The following KRT19 variants were observed in gnomAD, a reference collection of about 807,000 sequenced individuals.
KRT19 encodes keratin 19, also known as keratin, type I cytoskeletal 19.
Under a neutral mutation model 34.6 loss-of-function variants are expected in KRT19, and 21 were observed. The ratio of observed to expected loss-of-function variants is 0.61; its 90% CI spans 0.43 to 0.87. KRT19 has a LOEUF of 0.87. Ranked by LOEUF, KRT19 falls within the 40% of genes least tolerant of loss-of-function variation. KRT19 has a pLI of 0.00. For missense variants in KRT19, 514 were observed against 545.7 expected, an observed-to-expected ratio of 0.94 and a Z score of 0.58; for synonymous variants, 240 against 245.8, an observed-to-expected ratio of 0.98 and a Z score of 0.22.
In KRT19 at chr17:41,524,133, G is replaced by T; in HGVS notation, c.948+10C>A. The T allele has an allele frequency of 6.2e-7, 1 of 1,612,756 alleles. No homozygotes were observed. Among genetic ancestry groups the T allele is most frequent in the Non-Finnish European group, 8.5e-7 (1 of 1,179,314 alleles). On this transcript the variant is annotated intron_variant, in intron 5 of 5. Transcript: ENST00000361566. ...GCACAGGGAAGCGGCGGCGGTGGGG[G>T]GACACATACCATGCTCAGCTGTGAC...
At position 41,528,226 on chromosome 17, in the gene KRT19, G is replaced by A; in HGVS notation, c.22C>T (p.Gln8Ter). The change falls in exon 1 of 6, where the codon CAG becomes TAG. Residue 8 changes from glutamine to a stop codon, truncating the protein, a stop_gained. Transcript: ENST00000361566. LOFTEE classifies it high-confidence loss of function. ...CCGAAGGACGACGTGGCCGACGACT[G>A]GCGATAGCTGTAGGAAGTCATGGCG... MTSYSYR[Q>*]SSATSSFGGL... is the part of the protein sequence containing the mutation. 1.3e-6 allele frequency: 2 copies of A among 1,574,804 alleles called. No individual in the cohort carries two copies. The highest frequency in any genetic ancestry group is 1.7e-6 in the Non-Finnish European group (2 of 1,169,096).
chr17:41,526,269 C>T (rs1442704240), intron 1 of KRT19, among the ~76,000 whole-genome samples: 1 of 152,090 alleles, frequency 6.6e-6, no homozygotes, highest in Non-Finnish European at 1.5e-5. Flanking sequence ...CCACCGCGCC[C>T]GGCCGATTGT....
Position 41,528,111 on chromosome 17 carries a change from G to A in KRT19, c.137C>T (p.Ser46Phe). 3.7e-6 allele frequency: 6 copies of A among 1,609,096 alleles called. No individual in the cohort carries two copies. Among genetic ancestry groups the A allele is most frequent in the Non-Finnish European group, 2.5e-6 (3 of 1,178,978 alleles). The change falls in exon 1 of 6, where the codon TCC (serine) becomes TTC (phenylalanine). Residue 46 changes from serine to phenylalanine, a missense_variant. Ser to Phe is a radical substitution (Grantham distance 155). Transcript: ENST00000361566. ...GGACACAAAGCGGGCGGAGGACACG[G>A]ATACGCCGCGGCCGCCGGAGCCCCC... ...IHGGSGGRGV[S>F]VSSARFVSSS... is the part of the protein sequence containing the mutation.
intron 1 of KRT19, among the ~76,000 whole-genome samples, chr17:41,526,699 G>A (rs966573318): frequency 4.1e-5 from 6 of 145,172 alleles, no homozygotes; most frequent in African/African-American, 1.3e-4. Context: ...AGCCTCCCAG[G>A]TAGCTGGGAT....
At chr17:41,526,121 TC>T (rs1478535042) in intron 1 of KRT19, among the ~76,000 whole-genome samples, 1 of 151,662 alleles carries the variant, frequency 6.6e-6, no homozygotes, top group Non-Finnish European at 1.5e-5. Context: ...ACAGGCGCCC[TC>T]CACCACGCCC....
Position 41,528,130 on chromosome 17 carries a change from A to G in KRT19, c.118T>C (p.Ser40Pro). The G allele has an allele frequency of 1.2e-6, 2 of 1,605,286 alleles. No individual in the cohort carries two copies. The highest frequency in any genetic ancestry group is 1.7e-6 in the Non-Finnish European group (2 of 1,178,010). ...GACACGGATACGCCGCGGCCGCCGG[A>G]GCCCCCGTGAATGCTGGGCGCGCGA... ...AFRAPSIHGG[S>P]GGRGVSVSSA... The change falls in exon 1 of 6, where the codon TCC becomes CCC. Residue 40 changes from serine to proline, a missense_variant. By Grantham distance (74) the Ser-to-Pro change is moderately conservative (BLOSUM62 -1). Transcript: ENST00000361566.
At chr17:41,525,552 A>T (rs778489867) in intron 1 of KRT19, 1 of 452,008 alleles carries the variant, frequency 2.2e-6, no homozygotes, top group Non-Finnish European at 4.0e-6. Flanking sequence ...CCTGTGTGCA[A>T]TGAAACTCTA....
Position 41,524,163 on chromosome 17 carries a change from G to A in KRT19, c.928C>T (p.Leu310=). The change falls in exon 5 of 6, where the codon CTG becomes TTG. Residue 310 remains leucine, a synonymous_variant. Transcript: ENST00000361566. ...CATACCATGCTCAGCTGTGACTGCAGCTCAATCTCAAGACCCTGAAGGGTG... is the reference window on the plus strand; with the variant it reads ...CATACCATGCTCAGCTGTGACTGCAACTCAATCTCAAGACCCTGAAGGGTG... ...RRTLQGLEIE[L]QSQLSMKAAL... is the part of the protein sequence containing the mutation. The A allele has an allele frequency of 3.7e-6, 6 of 1,613,992 alleles. No individual in the cohort carries two copies. The highest frequency in any genetic ancestry group is 5.1e-6 in the Non-Finnish European group (6 of 1,179,950).
chr17:41,527,481 T>C (rs1905908030), intron 1 of KRT19, among the ~76,000 whole-genome samples: 1 of 152,196 alleles, frequency 6.6e-6, no homozygotes, highest in South Asian at 2.1e-4. Flanking sequence ...CCTAGACCTC[T>C]GGGCACTCTA....
intron 1 of KRT19, chr17:41,525,778 G>A (rs1905842703): frequency 6.1e-6 from 1 of 162,988 alleles, no homozygotes; most frequent in South Asian, 1.7e-4. Context: ...GGAAACTAAA[G>A]TTTAGGATGA....
At chr17:41,525,574 G>A in intron 1 of KRT19, 1 of 390,170 alleles carries the variant, frequency 2.6e-6, no homozygotes, top group South Asian at 3.1e-5. Context: ...ATGGCCTGAA[G>A]GGGGTCTATA....
At chr17:41,526,449 AT>A (rs35664318) in intron 1 of KRT19, among the ~76,000 whole-genome samples, 4,587 of 146,320 alleles carry the variant, frequency 0.031, 120 homozygotes, top group African/African-American at 0.067. Flanking sequence ...TATTGTCGCA[AT>A]TTTTTTTTTT....
intron 3 of KRT19, 41 bp from the exon 4 acceptor site, chr17:41,524,581 C>T (rs747691846): frequency 2.8e-5 from 45 of 1,598,314 alleles, no homozygotes; most frequent in South Asian, 5.5e-5. Context: ...AGGGCCCAGA[C>T]CCCACTGGGC....
Position 41,524,853 on chromosome 17 carries a change from T to G in KRT19, c.650A>C (p.Asn217Thr). ...CAGCTTCAAACCCACCTCCTCATGGTTCTTCTTCAGGTAGGCCAGCTCTTC... is the reference window on the plus strand; with the variant it reads ...CAGCTTCAAACCCACCTCCTCATGGGTCTTCTTCAGGTAGGCCAGCTCTTC... ...LKEELAYLKK[N>T]HEEEISTLRG... The change falls in exon 3 of 6, where the codon AAC becomes ACC. Residue 217 changes from asparagine (N) to threonine (T), a missense_variant. Physicochemically the swap from Asn to Thr is moderately conservative, Grantham distance 65. Transcript: ENST00000361566. 6.2e-7 allele frequency: 1 copy of G among 1,613,898 alleles called. No individual in the cohort carries two copies.
rs1025663952 is a variant in KRT19 at position 41,525,188 on chromosome 17, C to G, written c.503+3G>C. 6.2e-7 allele frequency: 1 copy of G among 1,611,370 alleles called. No individual in the cohort carries two copies. The highest frequency in any genetic ancestry group is 1.7e-5 in the Admixed American group (1 of 59,996). The stretch of plus-strand genomic sequence containing the variant: ...CTGCAGCCCCCAGGACAGAGACACT[C>G]ACTTGGTTCGGAAGTCATCTGCAGC... On this transcript the variant is annotated splice_donor_region_variant and intron_variant, in intron 2 of 5. Coordinates refer to ENST00000361566, the MANE Select transcript of KRT19 (RefSeq NM_002276.5).
At chr17:41,525,449 A>C (rs1436072439) in intron 1 of KRT19, 176 bp from the exon 2 acceptor site, 7 of 595,784 alleles carry the variant, frequency 1.2e-5, no homozygotes, top group Non-Finnish European at 2.1e-5. Flanking sequence ...CAAACAGTCC[A>C]TGCCCAGAAG....
intron 5 of KRT19, 47 bp from the exon 6 acceptor site, chr17:41,524,044 G>A (rs750907240): frequency 2.4e-5 from 38 of 1,600,870 alleles, no homozygotes; most frequent in Middle Eastern, 3.3e-4. Context: ...CCTGGTTCCC[G>A]GAGAGGGCAT....
Position 41,524,017 on chromosome 17 carries a change from G to C in KRT19, c.949-20C>G. 1 of 1,606,040 alleles carries C rather than the reference G, an allele frequency of 6.2e-7. No individual in the cohort carries two copies. The highest frequency in any genetic ancestry group is 8.5e-7 in the Non-Finnish European group (1 of 1,173,766). The stretch of plus-strand genomic sequence containing the variant: ...AGCTTTCTGAGGATAGGGAGAGGGG[G>C]TTGTGACTCAGCAGAGCCTGGTTCC... On this transcript the variant is annotated intron_variant, in intron 5 of 5. Transcript: ENST00000361566.
Sources: allele counts gnomAD v4.1 joint callset (sites outside exome capture counted in the v4.1 genomes callset), GRCh38; gene constraint gnomAD v4.1.1; transcripts MANE v1.5; gene names NCBI Gene and HGNC (gene_info 2026-07-23, HGNC 2026-07-21).